The following KANTR variants were observed in gnomAD, a reference collection of about 807,000 sequenced individuals.
KANTR encodes KANTR integral membrane protein, also known as KDM5C adjacent transcript.
intron 2 of KANTR, among the ~76,000 whole-genome samples, chrX:53,138,573 C>T (rs911807362): frequency 1.8e-5 from 2 of 108,334 alleles, no homozygotes; most frequent in African/African-American, 3.3e-5. Flanking sequence ...GGTGTGGTGG[C>T]GCATGCCTGT....
In KANTR at chrX:53,117,616, T is replaced by G. The variant is rs1179945960; in HGVS notation, c.-804-5853T>G. 7.7e-4 allele frequency among the ~76,000 whole-genome samples: 71 copies of G among 92,736 alleles called. 2 individuals are homozygous for G. Among genetic ancestry groups the G allele is most frequent in the South Asian group, 2.8e-3 (5 of 1,792 alleles). The allele number at this position is 92,736 out of a possible 115,157, so 80.5% of individuals were successfully genotyped here. A position where few individuals can be genotyped will look rare whatever the true frequency, so the allele number is the denominator to read the frequency against. On this transcript the variant is annotated intron_variant, in intron 2 of 2. Transcript: ENST00000604062. The stretch of plus-strand genomic sequence containing the variant: ...GTGTGTGTGTGTGTGTGTGTTTTTT[T>G]TTTTTTTTTTTTTTTTTTGAGACGG...
intron 2 of KANTR, among the ~76,000 whole-genome samples, chrX:53,116,008 T>C (rs1447268743): frequency 8.9e-6 from 1 of 112,376 alleles, no homozygotes; most frequent in East Asian, 2.8e-4. Context: ...GTTGCTGTCA[T>C]AGTTCTTTTT....
exon 2 of KANTR, chrX:53,099,559 T>C (rs1556811486): frequency 2.7e-5 from 3 of 111,835 alleles, no homozygotes; most frequent in Non-Finnish European, 5.6e-5. Context: ...AATGTTGATA[T>C]TTTGACCTCC....
chrX:53,143,621 G>C (rs1300371505), downstream of KANTR: 4 of 706,699 alleles, frequency 5.7e-6, no homozygotes, highest in Non-Finnish European at 9.1e-6. Context: ...TGCTTCTCTG[G>C]GGTCATGCAC....
At chrX:53,116,351 G>A (rs151234304) in intron 2 of KANTR, among the ~76,000 whole-genome samples, 1,327 of 112,116 alleles carry the variant, frequency 0.012, 16 homozygotes, top group African/African-American at 0.04. Flanking sequence ...ACAGGGCCTC[G>A]CAGTCAGCCA....
chrX:53,094,219 G>C (rs1556810444), exon 1 of KANTR: 1 of 112,691 alleles, frequency 8.9e-6, no homozygotes, highest in South Asian at 3.6e-4. Flanking sequence ...TTCAGATCTT[G>C]CTGTAGGCCT....
At chrX:53,144,008 A>C, downstream of KANTR, 1 of 226,341 alleles carries the variant, frequency 4.4e-6, no homozygotes, top group Admixed American at 5.7e-5. Flanking sequence ...TTTTGAAGTT[A>C]ACAATTAGCC....
intron 2 of KANTR, among the ~76,000 whole-genome samples, chrX:53,100,170 C>T (rs5933621): frequency 9.0e-6 from 1 of 111,142 alleles, no homozygotes; most frequent in African/African-American, 3.3e-5. Flanking sequence ...CCCCATATAA[C>T]GCTGTTTCAG....
At chrX:53,123,116 G>T (rs1376988616) in intron 2 of KANTR, among the ~76,000 whole-genome samples, 2 of 110,033 alleles carry the variant, frequency 1.8e-5, no homozygotes, top group African/African-American at 6.6e-5. Context: ...GTTGAAATTT[G>T]CTTCCATGTT....
intron 2 of KANTR, 112 bp downstream of exon 2, chrX:53,099,720 A>C (rs1249552883): frequency 8.9e-6 from 1 of 111,884 alleles, no homozygotes; most frequent in Non-Finnish European, 1.9e-5. Context: ...ATAAGACCTG[A>C]AAGTCAATAT....
intron 2 of KANTR, among the ~76,000 whole-genome samples, chrX:53,121,575 A>G (rs1237128656): frequency 1.0e-5 from 1 of 99,953 alleles, no homozygotes; most frequent in Admixed American, 1.2e-4. Context: ...CCTCTGGTCT[A>G]TGACAGTTTC....
intron 2 of KANTR, among the ~76,000 whole-genome samples, chrX:53,109,605 T>C (rs1462343060): frequency 8.9e-6 from 1 of 111,891 alleles, no homozygotes; most frequent in African/African-American, 3.2e-5. Context: ...TTTTACTTTT[T>C]TTCTGTAGCT....
chrX:53,135,952 A>G, intron 2 of KANTR, among the ~76,000 whole-genome samples: 1 of 112,213 alleles, frequency 8.9e-6, no homozygotes, highest in Non-Finnish European at 1.9e-5. Flanking sequence ...TCTTAATGCC[A>G]ACCACAGTCT....
At chrX:53,094,266 C>G (rs1556810463) in exon 1 of KANTR, 1 of 109,751 alleles carries the variant, frequency 9.1e-6, no homozygotes, top group Admixed American at 9.7e-5. Context: ...GCGGCGGCGG[C>G]GACGGCCGGA....
chrX:53,141,274 T>C (rs1433238702), intron 2 of KANTR, among the ~76,000 whole-genome samples: 1 of 112,411 alleles, frequency 8.9e-6, no homozygotes, highest in Non-Finnish European at 1.9e-5. Flanking sequence ...TGGCTCCTAC[T>C]ACCAGAGAGG....
At chrX:53,124,569 T>C (rs1052054796) in exon 3 of KANTR, 1 of 296,002 alleles carries the variant, frequency 3.4e-6, no homozygotes, top group Non-Finnish European at 5.9e-6. Context: ...CATTTAAGGA[T>C]ATAATTTCCC....
chrX:53,129,012 A>G (rs1180858897), downstream of KANTR, among the ~76,000 whole-genome samples: 2 of 104,955 alleles, frequency 1.9e-5, no homozygotes, highest in Non-Finnish European at 2.0e-5. Flanking sequence ...TTATTTGCCC[A>G]TCTTTCTTCT....
At chrX:53,104,382 A>G (rs1187322653) in intron 2 of KANTR, among the ~76,000 whole-genome samples, 4 of 109,646 alleles carry the variant, frequency 3.6e-5, no homozygotes, top group Admixed American at 3.0e-4. Context: ...GCACACCACC[A>G]TGCCTGACTA....
intron 2 of KANTR, among the ~76,000 whole-genome samples, chrX:53,103,888 C>G (rs1404492477): frequency 9.0e-6 from 1 of 111,471 alleles, no homozygotes; most frequent in Non-Finnish European, 1.9e-5. Context: ...GCACTCCATC[C>G]CATCCTCTCT....
Sources: allele counts gnomAD v4.1 joint callset (sites outside exome capture counted in the v4.1 genomes callset), GRCh38; gene constraint gnomAD v4.1.1; transcripts MANE v1.5; gene names NCBI Gene and HGNC (gene_info 2026-07-23, HGNC 2026-07-21).